DSCAML1: variants seen among roughly 807,000 people sequenced by gnomAD.
DSCAML1 encodes cell adhesion molecule DSCAML1.
A neutral mutation model predicts 200.5 loss-of-function variants in DSCAML1; 38 were observed. The observed-to-expected ratio is 0.19, with a 90% CI of 0.15 to 0.25. The LOEUF (loss-of-function observed/expected upper bound fraction) is 0.25, where lower values mean the gene tolerates loss of function less well. DSCAML1 is among the 10% of genes least tolerant of loss of function. The probability of loss-of-function intolerance (pLI) is 1.00; values close to 1 mark genes in which losing one functional copy is unlikely to be tolerated. For synonymous variants in DSCAML1, 1,215 were observed against 1,165.0 expected, an observed-to-expected ratio of 1.04 and a Z score of -0.87; for missense variants, 2,223 against 2,858.8, an observed-to-expected ratio of 0.78 and a Z score of 5.07.
chr11:117,672,102 G>GAAAAAAAACAAAAAAAAA (rs2053121603), intron 3 of DSCAML1, among the ~76,000 whole-genome samples: 1 of 94,508 alleles, frequency 1.1e-5, no homozygotes, highest in Non-Finnish European at 2.0e-5. Flanking sequence ...CTCCAGCTCA[G>GAAAAAAAACAAAAAAAAA]AAAAAAAAAA....
chr11:117,571,423 G>A (rs767952119), intron 3 of DSCAML1, among the ~76,000 whole-genome samples: 1 of 152,166 alleles, frequency 6.6e-6, no homozygotes, highest in South Asian at 2.1e-4. Context: ...GAGGGGCCAC[G>A]CTGGAAGGAG....
intron 1 of DSCAML1, among the ~76,000 whole-genome samples, chr11:117,803,747 T>G (rs1230698434): frequency 6.6e-6 from 1 of 152,210 alleles, no homozygotes; most frequent in Non-Finnish European, 1.5e-5. Context: ...ATGTCAATCA[T>G]GTATTTGTAC....
intron 31 of DSCAML1, 98 bp downstream of exon 31, chr11:117,431,436 T>C (rs57154584): frequency 0.12 from 144,268 of 1,177,638 alleles, 9,599 homozygotes; most frequent in East Asian, 0.23. Flanking sequence ...TTGGGCCCCA[T>C]GAGCTGGTGG....
rs967161761 is a variant in DSCAML1 at position 117,431,855 on chromosome 11, G to A, written c.5180-127C>T. 8 of 874,596 alleles carry A rather than the reference G, an allele frequency of 9.1e-6. No homozygotes were observed. In the Admixed American group the frequency reaches 1.2e-4, roughly 13 times the overall value. The allele number at this position is 874,596 out of a possible 1,614,324, so 54.2% of individuals were successfully genotyped here. ...CAGATGCAGCCACAGAAGCGCCCTT[G>A]GGAATGCTGCCTTTCCTAACCACAT... On this transcript the variant is annotated intron_variant, in intron 30 of 32. Transcript: ENST00000651296.
At chr11:117,697,593 C>T (rs1032891165) in intron 3 of DSCAML1, among the ~76,000 whole-genome samples, 39 of 152,096 alleles carry the variant, frequency 2.6e-4, no homozygotes, top group African/African-American at 7.2e-5. Flanking sequence ...ACTAACCCCC[C>T]ATTCCTTCCT....
intron 3 of DSCAML1, among the ~76,000 whole-genome samples, chr11:117,694,263 C>T (rs1042081193): frequency 2.6e-5 from 4 of 151,458 alleles, no homozygotes; most frequent in Non-Finnish European, 5.9e-5. Flanking sequence ...ATTAGCTGGG[C>T]GTGGTGGCAG....
chr11:117,572,589 C>T (rs1374291437), intron 3 of DSCAML1, among the ~76,000 whole-genome samples: 1 of 152,114 alleles, frequency 6.6e-6, no homozygotes, highest in African/African-American at 2.4e-5. Context: ...TAAGCTAGAA[C>T]CCATGGTGGG....
At chr11:117,679,341 GC>G (rs959735088) in intron 3 of DSCAML1, among the ~76,000 whole-genome samples, 4 of 152,234 alleles carry the variant, frequency 2.6e-5, no homozygotes, top group Admixed American at 1.3e-4. Flanking sequence ...GCAGTCAGCA[GC>G]CCTTCCTCCC....
At chr11:117,714,242 C>G (rs1303213643) in intron 3 of DSCAML1, among the ~76,000 whole-genome samples, 1 of 152,162 alleles carries the variant, frequency 6.6e-6, no homozygotes, top group East Asian at 1.9e-4. Context: ...AAGAGACTAT[C>G]TATAGCTTCA....
In DSCAML1 at chr11:117,776,931, C is replaced by T; in HGVS notation, c.371G>A (p.Arg124Lys). The T allele has an allele frequency of 6.2e-7, 1 of 1,613,830 alleles. No individual in the cohort carries two copies. Among genetic ancestry groups the T allele is most frequent in the Non-Finnish European group, 8.5e-7 (1 of 1,180,012 alleles). ...CTCCACCCGGACGGTGTAGGGTTCC[C>T]TGAAAACTGCAGAGAGATTGGCAGT... ...SPNIRVKAVF[R>K]EPYTVRVEDQ... is the part of the protein sequence containing the mutation. Residue 124 changes from arginine to lysine, a missense_variant, in exon 3 of 33, where the codon AGG becomes AAG. Arg to Lys is a conservative substitution (Grantham distance 26). Around this residue, in one of 7 missense-constraint regions of DSCAML1, gnomAD observed 579 missense variants for 721.5 expected, o/e 0.80. Transcript: ENST00000651296.
At chr11:117,612,993 G>A (rs994352421) in intron 3 of DSCAML1, among the ~76,000 whole-genome samples, 4 of 152,152 alleles carry the variant, frequency 2.6e-5, no homozygotes, top group African/African-American at 7.2e-5. Flanking sequence ...TGAAAGCCAC[G>A]GAGGTTAGAC....
Position 117,704,887 on chromosome 11 carries a change from CTTCA to C in DSCAML1, c.511+71900_511+71903del, listed in dbSNP as rs1444584762. Among the ~76,000 whole-genome samples the C allele has an allele frequency of 5.9e-5, 9 of 152,252 alleles. No individual in the cohort carries two copies. The South Asian group carries it at 1.9e-3, about 32-fold the overall frequency. On this transcript the variant is annotated intron_variant, in intron 3 of 32. Transcript: ENST00000651296. Reference sequence around the variant, plus strand: ...GGCTGGTGGTGACTAATAGAGAACTCTTCATTCAGAGGAACACTGGAAAAGCATT... The same window carrying C: ...GGCTGGTGGTGACTAATAGAGAACTCTTCAGAGGAACACTGGAAAAGCATT...
At chr11:117,542,274 G>C (rs989026437) in intron 3 of DSCAML1, among the ~76,000 whole-genome samples, 4 of 151,696 alleles carry the variant, frequency 2.6e-5, no homozygotes, top group East Asian at 1.9e-4. Context: ...TCAGCTGGGA[G>C]ACAGAGTGAG....
chr11:117,641,080 C>T (rs998772486), intron 3 of DSCAML1, among the ~76,000 whole-genome samples: 3 of 152,262 alleles, frequency 2.0e-5, no homozygotes, highest in African/African-American at 7.2e-5. Flanking sequence ...TTGAGAACCA[C>T]TCCATCTGGC....
At chr11:117,652,774 G>C (rs190294890) in intron 3 of DSCAML1, among the ~76,000 whole-genome samples, 2 of 152,320 alleles carry the variant, frequency 1.3e-5, no homozygotes, top group African/African-American at 4.8e-5. Context: ...TGGGAGGCAA[G>C]GTGTCTCCCC....
chr11:117,621,484 A>AGG (rs2051927868), intron 3 of DSCAML1, among the ~76,000 whole-genome samples: 1 of 152,204 alleles, frequency 6.6e-6, no homozygotes, highest in Non-Finnish European at 1.5e-5. Context: ...TTTTAACCAA[A>AGG]GGGGAAGGCA....
At position 117,459,082 on chromosome 11, in the gene DSCAML1, C is replaced by T. The variant is rs573868579; in HGVS notation, c.3413-173G>A. On this transcript the variant is annotated intron_variant, in intron 18 of 32. Coordinates refer to ENST00000651296, the MANE Select transcript of DSCAML1 (RefSeq NM_020693.4). ...AAGGTACCCAGGAGCAGATGCGGGC[C>T]ACTGCCCCCAGGCCACGTCTCTCTA... Among the ~76,000 whole-genome samples, 3 of 152,332 alleles carry T rather than the reference C, an allele frequency of 2.0e-5. No individual in the cohort carries two copies. In the East Asian group the frequency reaches 5.8e-4, roughly 29 times the overall value.
Position 117,767,356 on chromosome 11 carries a change from G to A in DSCAML1, c.511+9435C>T, listed in dbSNP as rs190579422. Among the ~76,000 whole-genome samples the A allele has an allele frequency of 6.0e-4, 91 of 152,216 alleles. 2 individuals are homozygous for A. The South Asian group carries it at 0.013, about 21-fold the overall frequency. ...ACCTGTGAAGCTTAAATAAAATGAT[G>A]GAGAAAAGCACTTATCACGGACGAG... On this transcript the variant is annotated intron_variant, in intron 3 of 32. Coordinates refer to ENST00000651296, the MANE Select transcript of DSCAML1 (RefSeq NM_020693.4).
At chr11:117,580,134 G>C (rs953531588) in intron 3 of DSCAML1, among the ~76,000 whole-genome samples, 3 of 152,222 alleles carry the variant, frequency 2.0e-5, no homozygotes, top group Non-Finnish European at 4.4e-5. Context: ...TCTTCTCATG[G>C]AACAAGGATG....
Sources: allele counts gnomAD v4.1 joint callset (sites outside exome capture counted in the v4.1 genomes callset), GRCh38; gene constraint gnomAD v4.1.1; regional missense constraint gnomAD v4.1.1; transcripts MANE v1.5; gene names NCBI Gene and HGNC (gene_info 2026-07-23, HGNC 2026-07-21).